IL1RAPL2: variants seen among roughly 807,000 people sequenced by gnomAD.
IL1RAPL2 encodes the protein interleukin 1 receptor accessory protein like 2, also known as X-linked interleukin-1 receptor accessory protein-like 2.
Under a neutral mutation model 44.1 loss-of-function variants are expected in IL1RAPL2, and 3 were observed. The observed-to-expected ratio is 0.07, with a 90% CI of 0.03 to 0.18. The LOEUF (loss-of-function observed/expected upper bound fraction) is 0.18. Ranked by LOEUF, IL1RAPL2 falls within the 10% of genes least tolerant of loss-of-function variation. The probability of loss-of-function intolerance (pLI) is 1.00; values close to 1 mark genes in which losing one functional copy is unlikely to be tolerated. For synonymous variants in IL1RAPL2, 181 were observed against 178.8 expected (o/e 1.01, Z -0.10); for missense variants, 391 against 496.4 (o/e 0.79, Z 2.02).
At chrX:104,877,461 C>G (rs773576497) in intron 2 of IL1RAPL2, among the ~76,000 whole-genome samples, 1 of 112,387 alleles carries the variant, frequency 8.9e-6, no homozygotes, top group Non-Finnish European at 1.9e-5. Flanking sequence ...CAGCATCATC[C>G]TGATACCAAA....
At chrX:105,409,845 T>TAGACAGAC (rs1556311285) in intron 5 of IL1RAPL2, among the ~76,000 whole-genome samples, 3 of 85,953 alleles carry the variant, frequency 3.5e-5, no homozygotes, top group Non-Finnish European at 4.7e-5. Flanking sequence ...GATAGATAGA[T>TAGACAGAC]AGACAGACAG....
At chrX:104,665,156 A>G (rs889676742) in intron 2 of IL1RAPL2, among the ~76,000 whole-genome samples, 3 of 111,185 alleles carry the variant, frequency 2.7e-5, no homozygotes, top group Non-Finnish European at 5.7e-5. Flanking sequence ...TGAATACATA[A>G]AATTTTTACA....
intron 2 of IL1RAPL2, among the ~76,000 whole-genome samples, chrX:104,888,236 CAGAGAGAG>C (rs201487810): frequency 7.1e-4 from 63 of 88,497 alleles, no homozygotes; most frequent in African/African-American, 2.7e-3. Context: ...GACAGAAAGT[CAGAGAGAG>C]AGAGAGAGAG....
At chrX:105,246,050 T>C (rs2034216546) in intron 4 of IL1RAPL2, among the ~76,000 whole-genome samples, 1 of 112,509 alleles carries the variant, frequency 8.9e-6, no homozygotes, top group South Asian at 3.6e-4. Context: ...CTGGGAATAC[T>C]GAACTGACCA....
rs773780246 is a variant in IL1RAPL2, at chrX:105,007,042, G to A, written c.83-188433G>A. ...ATTTACTTTTATAACTGTGTTTAAT[G>A]CCTGCCAACAACTTATATCCCCAAC... is the stretch of plus-strand genomic sequence containing the variant. On this transcript the variant is annotated intron_variant, in intron 2 of 10. Transcript: ENST00000372582. 1.1e-3 allele frequency among the ~76,000 whole-genome samples: 128 copies of A among 111,469 alleles called. 1 individual carries two copies. The highest frequency in any genetic ancestry group is 3.3e-3 in the African/African-American group (102 of 30,836).
chrX:104,954,241 A>G (rs1225991426), intron 2 of IL1RAPL2, among the ~76,000 whole-genome samples: 1 of 112,747 alleles, frequency 8.9e-6, no homozygotes, highest in African/African-American at 3.2e-5. Context: ...AGTGATTTTT[A>G]ATCATTAATT....
At chrX:105,611,662 A>G (rs2037337433) in intron 6 of IL1RAPL2, among the ~76,000 whole-genome samples, 1 of 111,770 alleles carries the variant, frequency 8.9e-6, no homozygotes, top group South Asian at 3.7e-4. Flanking sequence ...GGTGTGTGTA[A>G]GTACCCTCTG....
intron 2 of IL1RAPL2, among the ~76,000 whole-genome samples, chrX:105,106,985 T>C (rs2032750550): frequency 8.9e-6 from 1 of 111,837 alleles, no homozygotes; most frequent in Non-Finnish European, 1.9e-5. Flanking sequence ...GAACACAGAC[T>C]CATACACAAC....
intron 2 of IL1RAPL2, among the ~76,000 whole-genome samples, chrX:104,764,283 G>T (rs1354693284): frequency 5.4e-5 from 6 of 110,271 alleles, no homozygotes; most frequent in Non-Finnish European, 1.1e-4. Flanking sequence ...TACTTCTTTG[G>T]TTAATTTCTA....
intron 6 of IL1RAPL2, among the ~76,000 whole-genome samples, chrX:105,650,556 T>C (rs1029272027): frequency 8.9e-6 from 1 of 112,470 alleles, no homozygotes; most frequent in South Asian, 3.6e-4. Flanking sequence ...TTTCTAGATA[T>C]AGCACTGTAC....
intron 2 of IL1RAPL2, among the ~76,000 whole-genome samples, chrX:104,853,769 A>G (rs181430990): frequency 0.055 from 5,957 of 107,659 alleles, 436 homozygotes; most frequent in African/African-American, 0.19. Flanking sequence ...CAGGCGTGGT[A>G]GCGGGCGCCT....
At chrX:105,536,424 G>GT (rs1465057904) in intron 6 of IL1RAPL2, among the ~76,000 whole-genome samples, 1 of 66,864 alleles carries the variant, frequency 1.5e-5, no homozygotes, top group East Asian at 3.8e-4. Flanking sequence ...ATTTTATATG[G>GT]TAAAAAAAAA....
chrX:104,936,621 CT>C (rs1186693127), intron 2 of IL1RAPL2, among the ~76,000 whole-genome samples: 294 of 88,527 alleles, frequency 3.3e-3, no homozygotes, highest in Middle Eastern at 0.017. Context: ...TTACCAGACT[CT>C]TTTTTTTTTT....
chrX:105,318,439 G>A (rs940029003), intron 5 of IL1RAPL2, among the ~76,000 whole-genome samples: 5 of 111,712 alleles, frequency 4.5e-5, no homozygotes, highest in Admixed American at 9.5e-5. Flanking sequence ...ACTGGGATTT[G>A]TTCAGTCAGA....
At chrX:105,653,983 ACACACACACG>A (rs1334202397) in intron 6 of IL1RAPL2, among the ~76,000 whole-genome samples, 2 of 110,615 alleles carry the variant, frequency 1.8e-5, no homozygotes, top group Non-Finnish European at 3.8e-5. Context: ...ACACAAACAC[ACACACACACG>A]CACACACCCT....
At chrX:105,661,490 A>G (rs1258209064) in intron 6 of IL1RAPL2, among the ~76,000 whole-genome samples, 2 of 112,463 alleles carry the variant, frequency 1.8e-5, no homozygotes, top group Non-Finnish European at 3.8e-5. Flanking sequence ...TCTGCAGCAC[A>G]TAGACCATTC....
intron 6 of IL1RAPL2, among the ~76,000 whole-genome samples, chrX:105,546,212 A>T (rs1161245168): frequency 9.0e-6 from 1 of 111,596 alleles, no homozygotes; most frequent in Non-Finnish European, 1.9e-5. Context: ...ACAGATTCCT[A>T]CTGCTTTTCA....
chrX:105,454,580 T>C, intron 5 of IL1RAPL2, among the ~76,000 whole-genome samples: 1 of 111,651 alleles, frequency 9.0e-6, no homozygotes, highest in East Asian at 2.8e-4. Flanking sequence ...CCAACATGTT[T>C]GTTCTCCAGG....
At chrX:105,364,682 C>T (rs770936993) in intron 5 of IL1RAPL2, among the ~76,000 whole-genome samples, 79 of 110,411 alleles carry the variant, frequency 7.2e-4, no homozygotes, top group Non-Finnish European at 1.1e-3. Context: ...TTGTAAATGA[C>T]GTTTTAAAAA....
Sources: gnomAD v4.1 joint callset for allele counts (sites outside exome capture counted in the v4.1 genomes callset) on GRCh38, gnomAD v4.1.1 for gene constraint, MANE v1.5 for transcripts, NCBI Gene and HGNC (gene_info 2026-07-23, HGNC 2026-07-21) for gene names.